IL21R: variants seen among roughly 807,000 people sequenced by gnomAD.
IL21R encodes interleukin-21 receptor.
Under a neutral mutation model 41.3 loss-of-function variants are expected in IL21R, and 14 were observed. The observed-to-expected ratio is 0.34, with a 90% CI of 0.22 to 0.53. The LOEUF (loss-of-function observed/expected upper bound fraction) is 0.53. Among genes scored for constraint, IL21R ranks in the 20% least tolerant of loss-of-function variants. The probability of loss-of-function intolerance (pLI) is 0.94; values close to 1 mark genes in which losing one functional copy is unlikely to be tolerated. For missense variants in IL21R, 588 were observed against 681.6 expected, an observed-to-expected ratio of 0.86 and a Z score of 1.53; for synonymous variants, 286 against 287.6, an observed-to-expected ratio of 0.99 and a Z score of 0.05.
intron 1 of IL21R, among the ~76,000 whole-genome samples, chr16:27,409,166 C>CATAT (rs142471705): frequency 2.6e-5 from 2 of 78,222 alleles, no homozygotes; most frequent in Non-Finnish European, 5.7e-5. Flanking sequence ...TCTCTCTCTC[C>CATAT]ATATATATAT....
chr16:27,425,214 G>A (rs1421816361), intron 1 of IL21R, among the ~76,000 whole-genome samples: 1 of 152,152 alleles, frequency 6.6e-6, no homozygotes, highest in African/African-American at 2.4e-5. Flanking sequence ...CACACATGGT[G>A]GCCCGATCTG....
In IL21R at chr16:27,440,300, G is replaced by A. The variant is rs559382186; in HGVS notation, c.352+2613G>A. On this transcript the variant is annotated intron_variant, in intron 4 of 8. Transcript: ENST00000337929. ...AGAGAGCGAGCAAGCGCGCGCCAGGGTGTAGCTTTGTCCTCCAGCCTGGGG... is the reference window on the plus strand; with the variant it reads ...AGAGAGCGAGCAAGCGCGCGCCAGGATGTAGCTTTGTCCTCCAGCCTGGGG... Among the ~76,000 whole-genome samples, 53 of 149,726 alleles carry A rather than the reference G, an allele frequency of 3.5e-4. No individual in the cohort carries two copies. In the Middle Eastern group the frequency reaches 0.01, roughly 29 times the overall value.
chr16:27,408,683 C>G (rs1033335697), intron 1 of IL21R, among the ~76,000 whole-genome samples: 1 of 152,188 alleles, frequency 6.6e-6, no homozygotes, highest in African/African-American at 2.4e-5. Flanking sequence ...GACCTGTTGG[C>G]TCCTGTTCCT....
At chr16:27,428,389 G>C (rs1173693614) in intron 1 of IL21R, among the ~76,000 whole-genome samples, 1 of 152,230 alleles carries the variant, frequency 6.6e-6, no homozygotes, top group African/African-American at 2.4e-5. Context: ...AGGATCTTTG[G>C]GAACCCCGGC....
chr16:27,424,199 A>G (rs1288104533), intron 1 of IL21R, among the ~76,000 whole-genome samples: 2 of 151,638 alleles, frequency 1.3e-5, no homozygotes, highest in African/African-American at 4.8e-5. Flanking sequence ...CTCAGCCTCC[A>G]GAGTAGCTGG....
chr16:27,425,247 G>T (rs1287699220), intron 1 of IL21R, among the ~76,000 whole-genome samples: 1 of 152,210 alleles, frequency 6.6e-6, no homozygotes, highest in African/African-American at 2.4e-5. Flanking sequence ...AGGTGCTGTT[G>T]CCCTCAGGGG....
intron 1 of IL21R, among the ~76,000 whole-genome samples, chr16:27,414,692 C>G (rs2086872056): frequency 6.6e-6 from 1 of 151,718 alleles, no homozygotes; most frequent in African/African-American, 2.4e-5. Flanking sequence ...TCCATTTTTC[C>G]TATTAGTTTG....
At chr16:27,440,277 AGAGC>A (rs1165810766) in intron 4 of IL21R, among the ~76,000 whole-genome samples, 4 of 136,646 alleles carry the variant, frequency 2.9e-5, no homozygotes, top group East Asian at 4.0e-4. Flanking sequence ...AGAGAGAGAG[AGAGC>A]GAGCAAGCGC....
intron 8 of IL21R, among the ~76,000 whole-genome samples, chr16:27,447,218 C>G (rs1323495056): frequency 6.6e-6 from 1 of 152,132 alleles, no homozygotes; most frequent in Non-Finnish European, 1.5e-5. Flanking sequence ...TTTACCAATA[C>G]TCATATAGCA....
intron 2 of IL21R, among the ~76,000 whole-genome samples, chr16:27,432,294 G>A (rs1451596199): frequency 6.6e-6 from 1 of 152,222 alleles, no homozygotes; most frequent in Admixed American, 6.5e-5. Context: ...GGCAAGCAGT[G>A]TCTCCGGCTT....
chr16:27,405,275 T>G (rs1294031263), intron 1 of IL21R, among the ~76,000 whole-genome samples: 1 of 152,176 alleles, frequency 6.6e-6, no homozygotes, highest in Non-Finnish European at 1.5e-5. Flanking sequence ...TCAAGTGATC[T>G]GCCTGTCTCA....
At chr16:27,410,558 C>G (rs1234820561) in intron 1 of IL21R, among the ~76,000 whole-genome samples, 2 of 152,182 alleles carry the variant, frequency 1.3e-5, no homozygotes, top group Non-Finnish European at 2.9e-5. Flanking sequence ...AACTGACCAC[C>G]AGTTGAGGGC....
At chr16:27,441,356 C>G in intron 4 of IL21R, among the ~76,000 whole-genome samples, 1 of 152,210 alleles carries the variant, frequency 6.6e-6, no homozygotes, top group East Asian at 1.9e-4. Context: ...AAATGTCCTT[C>G]GAATGGAGCA....
intron 1 of IL21R, among the ~76,000 whole-genome samples, chr16:27,421,335 C>CAAAAAAAAAAAAAA: frequency 1.2e-5 from 1 of 84,196 alleles, no homozygotes; most frequent in Non-Finnish European, 2.2e-5. Context: ...TCAATTTCTG[C>CAAAAAAAAAAAAAA]AAAAAAAAAA....
Position 27,448,570 on chromosome 16 carries a change from G to C in IL21R, c.904G>C (p.Glu302Gln). The change falls in exon 9 of 9, where the codon GAG (glutamate) becomes CAG (glutamine). Residue 302 changes from glutamate (E) to glutamine (Q), a missense_variant. Glu to Gln is a conservative substitution (Grantham distance 29). Transcript: ENST00000337929. Reference sequence around the variant, plus strand: ...TGCACCCTTCACTGGCTCCAGCCTGGAGCTGGGACCCTGGAGCCCAGAGGT... The same window carrying C: ...TGCACCCTTCACTGGCTCCAGCCTGCAGCTGGGACCCTGGAGCCCAGAGGT... Reference protein sequence around the residue: ...VGAPFTGSSLELGPWSPEVPS... With the variant: ...VGAPFTGSSLQLGPWSPEVPS... 1 of 1,611,216 alleles carries C rather than the reference G, an allele frequency of 6.2e-7. No individual in the cohort carries two copies. Among genetic ancestry groups the C allele is most frequent in the Admixed American group, 1.7e-5 (1 of 59,662 alleles).
rs1247144630 is a variant in IL21R at position 27,449,313 on chromosome 16, A to G, written c.*30A>G. 1.4e-5 allele frequency: 22 copies of G among 1,552,640 alleles called. No individual in the cohort carries two copies. Among genetic ancestry groups the G allele is most frequent in the Non-Finnish European group, 1.8e-5 (21 of 1,151,450 alleles). The stretch of plus-strand genomic sequence containing the variant: ...GCTGACTGGATGTCCAGAGCTGGCC[A>G]GGCCACTGGGCCCTGAGCCAGAGAC... On this transcript the variant is annotated 3_prime_UTR_variant, in exon 9 of 9. Coordinates refer to ENST00000337929, the MANE Select transcript of IL21R (RefSeq NM_181078.3).
At chr16:27,422,431 A>G (rs1386745027) in intron 1 of IL21R, among the ~76,000 whole-genome samples, 1 of 151,944 alleles carries the variant, frequency 6.6e-6, no homozygotes, top group Admixed American at 6.5e-5. Flanking sequence ...ATCATTTCAC[A>G]ATGTCTTCTA....
In IL21R at chr16:27,451,570, T is replaced by C; in HGVS notation, c.*2287T>C. ...CAAAAATTATTATTTTTTAAAAAAATTAGCCAGGTGTGGTGGTGCTTGCCT... is the reference window on the plus strand; with the variant it reads ...CAAAAATTATTATTTTTTAAAAAAACTAGCCAGGTGTGGTGGTGCTTGCCT... On this transcript the variant is annotated 3_prime_UTR_variant, in exon 9 of 9. Coordinates refer to ENST00000337929, the MANE Select transcript of IL21R (RefSeq NM_181078.3). 1 of 209,982 alleles carries C rather than the reference T, an allele frequency of 4.8e-6. No homozygotes were observed. Among genetic ancestry groups the C allele is most frequent in the Non-Finnish European group, 9.7e-6 (1 of 103,386 alleles). 13.0% of individuals were successfully genotyped at this position (209,982 alleles called of 1,614,324 possible). A position where few individuals can be genotyped will look rare whatever the true frequency, so the allele number is the denominator to read the frequency against.
rs75242337 is a variant in IL21R at position 27,408,810 on chromosome 16, C to T, written c.-17+6192C>T. Among the ~76,000 whole-genome samples the T allele has an allele frequency of 2.0e-3, 310 of 152,272 alleles. 1 individual carries two copies. Among genetic ancestry groups the T allele is most frequent in the Admixed American group, 3.5e-3 (54 of 15,302 alleles). On this transcript the variant is annotated intron_variant, in intron 1 of 8. Coordinates refer to ENST00000337929, the MANE Select transcript of IL21R (RefSeq NM_181078.3). Reference sequence around the variant, plus strand: ...TTTCACTTTCAGCCCCATGTCCCTACCTGGGTCACATTGCAGAGAATGGCC... The same window carrying T: ...TTTCACTTTCAGCCCCATGTCCCTATCTGGGTCACATTGCAGAGAATGGCC...
Sources: gnomAD v4.1 joint callset for allele counts (sites outside exome capture counted in the v4.1 genomes callset) on GRCh38, gnomAD v4.1.1 for gene constraint, MANE v1.5 for transcripts, NCBI Gene and HGNC (gene_info 2026-07-23, HGNC 2026-07-21) for gene names.